The following PCDHA13 variants were observed in gnomAD, a reference collection of about 807,000 sequenced individuals.
PCDHA13 encodes the protein protocadherin alpha 13.
A neutral mutation model predicts 64.8 loss-of-function variants in PCDHA13; 54 were observed. The observed-to-expected ratio is 0.83, with a 90% CI of 0.67 to 1.04. The LOEUF is 1.04. Ranked by LOEUF, PCDHA13 falls within the 50% of genes least tolerant of loss-of-function variation. The pLI is 0.00. For synonymous variants in PCDHA13, 587 were observed against 564.4 expected (o/e 1.04, Z -0.57); for missense variants, 1,248 against 1,254.3 (o/e 0.99, Z 0.08).
intron 3 of PCDHA13, among the ~76,000 whole-genome samples, chr5:140,999,602 G>A (rs150839481): frequency 5.1e-4 from 78 of 152,202 alleles, no homozygotes; most frequent in African/African-American, 1.9e-3. Flanking sequence ...CTACATCCTG[G>A]GGGACCTTAT....
chr5:140,888,628 T>C (rs2061913275), intron 1 of PCDHA13, among the ~76,000 whole-genome samples: 1 of 152,242 alleles, frequency 6.6e-6, no homozygotes, highest in Admixed American at 6.5e-5. Flanking sequence ...TTCGGCCTTC[T>C]ATTACAGCAA....
chr5:140,917,485 C>T (rs191372458), intron 1 of PCDHA13, among the ~76,000 whole-genome samples: 1 of 152,326 alleles, frequency 6.6e-6, no homozygotes, highest in Admixed American at 6.5e-5. Flanking sequence ...TTGCCAGGGC[C>T]TATGCCCAGA....
intron 1 of PCDHA13, among the ~76,000 whole-genome samples, chr5:140,924,726 C>T (rs1294650773): frequency 1.3e-5 from 2 of 151,796 alleles, no homozygotes; most frequent in African/African-American, 4.8e-5. Context: ...GAAACCTCAC[C>T]TCTAATAAAA....
intron 1 of PCDHA13, chr5:140,928,068 C>G: frequency 1.2e-6 from 2 of 1,614,214 alleles, no homozygotes; most frequent in South Asian, 2.2e-5. Context: ...CTTCCTTTGA[C>G]AACTACTACA....
At chr5:140,983,997 G>A (rs1191316440) in intron 3 of PCDHA13, among the ~76,000 whole-genome samples, 1 of 152,194 alleles carries the variant, frequency 6.6e-6, no homozygotes, top group Non-Finnish European at 1.5e-5. Context: ...CAATTCATTA[G>A]AGAGCTAATA....
At chr5:140,935,144 A>G (rs1289868558) in intron 1 of PCDHA13, among the ~76,000 whole-genome samples, 1 of 152,184 alleles carries the variant, frequency 6.6e-6, no homozygotes, top group Admixed American at 6.5e-5. Context: ...TGATACTTAG[A>G]GATATAATCT....
At chr5:140,963,631 G>A (rs1168776991) in intron 1 of PCDHA13, among the ~76,000 whole-genome samples, 2 of 152,144 alleles carry the variant, frequency 1.3e-5, no homozygotes, top group African/African-American at 2.4e-5. Flanking sequence ...TGTTGCATAC[G>A]CATCTTCCCT....
intron 2 of PCDHA13, among the ~76,000 whole-genome samples, chr5:140,979,586 C>T (rs1554240859): frequency 6.6e-6 from 1 of 152,188 alleles, no homozygotes; most frequent in Admixed American, 6.5e-5. Context: ...CCAAATCTAG[C>T]TTACTTTAAA....
chr5:140,985,163 T>G (rs1045171380), intron 3 of PCDHA13, among the ~76,000 whole-genome samples: 7 of 152,096 alleles, frequency 4.6e-5, no homozygotes, highest in South Asian at 2.1e-4. Flanking sequence ...TGTCTCAATC[T>G]CCTGACCTCG....
intron 1 of PCDHA13, among the ~76,000 whole-genome samples, chr5:140,898,335 A>C (rs1232674937): frequency 2.6e-5 from 4 of 152,208 alleles, no homozygotes; most frequent in African/African-American, 9.6e-5. Context: ...CTAACGTTTA[A>C]GTCTTTAATC....
intron 1 of PCDHA13, among the ~76,000 whole-genome samples, chr5:140,911,116 C>G (rs1184319768): frequency 6.6e-6 from 1 of 152,142 alleles, no homozygotes; most frequent in Non-Finnish European, 1.5e-5. Flanking sequence ...GAAGCCATCA[C>G]TGTTGCCTCA....
chr5:140,883,342 C>T lies in PCDHA13; in HGVS notation c.1074C>T (p.Pro358=). 1 of 1,614,154 alleles carries T rather than the reference C, an allele frequency of 6.2e-7. No homozygotes were observed. The highest frequency in any genetic ancestry group is 8.5e-7 in the Non-Finnish European group (1 of 1,180,030). Residue 358 remains proline (P), a synonymous_variant, in exon 1 of 4, where the codon CCC becomes CCT. Coordinates refer to ENST00000289272, the MANE Select transcript of PCDHA13 (RefSeq NM_018904.3). The part of the protein sequence containing the change: ...PEVTITSLSL[P]IREDTQPSAI... ...TTACCATCACTTCTTTGTCACTCCC[C>T]ATCAGAGAAGACACTCAGCCTAGCG...
intron 3 of PCDHA13, among the ~76,000 whole-genome samples, chr5:141,008,506 T>G (rs1362141784): frequency 5.9e-5 from 9 of 152,202 alleles, no homozygotes; most frequent in African/African-American, 2.2e-4. Context: ...CTTTATGGTG[T>G]GTCTTCCAAT....
intron 3 of PCDHA13, among the ~76,000 whole-genome samples, chr5:140,985,909 T>C (rs1421545707): frequency 6.6e-6 from 1 of 151,912 alleles, no homozygotes; most frequent in Non-Finnish European, 1.5e-5. Flanking sequence ...CCGTCTAATT[T>C]TTTGTATTTT....
At chr5:140,917,397 C>T (rs1606123) in intron 1 of PCDHA13, among the ~76,000 whole-genome samples, 6,084 of 150,666 alleles carry the variant, frequency 0.04, 137 homozygotes, top group Non-Finnish European at 0.052. Context: ...TGTGCAGAAG[C>T]TCTTTAGTTT....
intron 1 of PCDHA13, among the ~76,000 whole-genome samples, chr5:140,956,131 C>A (rs2095258276): frequency 6.6e-6 from 1 of 152,096 alleles, no homozygotes; most frequent in African/African-American, 2.4e-5. Flanking sequence ...TATTTGAATA[C>A]CCTTTATTTC....
At position 140,884,423 on chromosome 5, in the gene PCDHA13, A is replaced by G. The variant is rs2060160830; in HGVS notation, c.2155A>G (p.Thr719Ala). The G allele has an allele frequency of 1.2e-6, 2 of 1,613,932 alleles. No individual in the cohort carries two copies. Among genetic ancestry groups the G allele is most frequent in the African/African-American group, 1.3e-5 (1 of 75,050 alleles). Residue 719 changes from threonine (T) to alanine (A), a missense_variant, in exon 1 of 4, where the codon ACT becomes GCT. Coordinates refer to ENST00000289272, the MANE Select transcript of PCDHA13 (RefSeq NM_018904.3). ...GTTGGTGCTCACGTTGCTGCTGTAT[A>G]CTGCGCTGCGGTGCTCGGCACCGCC... ...SLLVLTLLLY[T>A]ALRCSAPPTE...
At chr5:140,936,446 C>G (rs1200299868) in intron 1 of PCDHA13, among the ~76,000 whole-genome samples, 1 of 152,164 alleles carries the variant, frequency 6.6e-6, no homozygotes, top group Non-Finnish European at 1.5e-5. Flanking sequence ...TAAATAACCA[C>G]ATCTGTTTAG....
At chr5:140,933,392 T>C (rs1298872630) in intron 1 of PCDHA13, among the ~76,000 whole-genome samples, 3 of 152,044 alleles carry the variant, frequency 2.0e-5, no homozygotes, top group Non-Finnish European at 2.9e-5. Context: ...CCTAGAGCCA[T>C]CTGGTTACCA....
Sources: gnomAD v4.1 joint callset for allele counts (sites outside exome capture counted in the v4.1 genomes callset) on GRCh38, gnomAD v4.1.1 for gene constraint, MANE v1.5 for transcripts, NCBI Gene and HGNC (gene_info 2026-07-23, HGNC 2026-07-21) for gene names.